The following SOX9 variants were observed in gnomAD, a reference collection of about 807,000 sequenced individuals.
The protein encoded by SOX9 is transcription factor SOX-9.
Under a neutral mutation model 44.8 loss-of-function variants are expected in SOX9, and 2 were observed. That is an observed-to-expected ratio of 0.04 (90% CI 0.02 to 0.14). The LOEUF is 0.14. Ranked by LOEUF, SOX9 falls within the 10% of genes least tolerant of loss-of-function variation. The pLI, the probability that SOX9 is intolerant of heterozygous loss-of-function variation, is 1.00. For missense variants in SOX9, 583 were observed against 728.6 expected (o/e 0.80, Z 2.30); for synonymous variants, 381 against 331.8 (o/e 1.15, Z -1.61).
rs557099896 is a variant in SOX9, at chr17:72,121,387, C to T, written c.-5C>T. 3.1e-6 allele frequency: 5 copies of T among 1,611,950 alleles called. No individual in the cohort carries two copies. The African/African-American group carries it at 5.3e-5, about 17-fold the overall frequency. On this transcript the variant is annotated 5_prime_UTR_variant, in exon 1 of 3. Coordinates refer to ENST00000245479, the MANE Select transcript of SOX9 (RefSeq NM_000346.4). The surrounding 1 kb of genome is among the most constrained non-coding windows in gnomAD (Gnocchi z 8.3). The stretch of plus-strand genomic sequence containing the variant: ...GGCCACCAGCCCCCTGCCCCGGGCC[C>T]GCGTATGAATCTCCTGGACCCCTTC...
rs772345173 is a variant in SOX9 at position 72,122,926 on chromosome 17, C to G, written c.639C>G (p.His213Gln). ...IFKALQADSP[H>Q]SSSGMSEVHS... ...AGGCGCTGCAGGCCGACTCGCCACACTCCTCCTCCGGCATGAGCGAGGTGC... is the reference window on the plus strand; with the variant it reads ...AGGCGCTGCAGGCCGACTCGCCACAGTCCTCCTCCGGCATGAGCGAGGTGC... Residue 213 changes from histidine (H) to glutamine (Q), a missense_variant, in exon 2 of 3, where the codon CAC (histidine) becomes CAG (glutamine). Physicochemically the swap from His to Gln is conservative, Grantham distance 24 (BLOSUM62 0). Around this residue, in one of 7 missense-constraint regions of SOX9, gnomAD observed 88 missense variants for 65.5 expected, o/e 1.34. Coordinates refer to ENST00000245479, the MANE Select transcript of SOX9 (RefSeq NM_000346.4). 3.1e-6 allele frequency: 5 copies of G among 1,613,982 alleles called. No individual in the cohort carries two copies. The Admixed American group carries it at 6.7e-5, about 22-fold the overall frequency.
chr17:72,126,200 TA>T lies in SOX9; in HGVS notation c.*1818del, dbSNP rs1269941039. The stretch of plus-strand genomic sequence containing the variant: ...ATTTCTGTATAAAAGCAGATCTTTT[TA>T]AAAAGATACTTCTGTAACTTAAGAA... On this transcript the variant is annotated 3_prime_UTR_variant, in exon 3 of 3. Coordinates refer to ENST00000245479, the MANE Select transcript of SOX9 (RefSeq NM_000346.4). 8.6e-6 allele frequency: 2 copies of T among 232,800 alleles called. No individual in the cohort carries two copies. The highest frequency in any genetic ancestry group is 1.7e-5 in the Non-Finnish European group (2 of 117,658). 14.4% of individuals were successfully genotyped at this position (232,800 alleles called of 1,614,324 possible). A position where few individuals can be genotyped will look rare whatever the true frequency, so the allele number is the denominator to read the frequency against.
In SOX9 at chr17:72,121,396, A is replaced by G; in HGVS notation, c.5A>G (p.Asn2Ser). The G allele has an allele frequency of 1.2e-6, 2 of 1,612,216 alleles. No homozygotes were observed. Among genetic ancestry groups the G allele is most frequent in the Non-Finnish European group, 1.7e-6 (2 of 1,179,702 alleles). Reference sequence around the variant, plus strand: ...CCCCCTGCCCCGGGCCCGCGTATGAATCTCCTGGACCCCTTCATGAAGATG... The same window carrying G: ...CCCCCTGCCCCGGGCCCGCGTATGAGTCTCCTGGACCCCTTCATGAAGATG... M[N>S]LLDPFMKMTD... is the part of the protein sequence containing the mutation. Residue 2 changes from asparagine to serine, a missense_variant, in exon 1 of 3, where the codon AAT (asparagine) becomes AGT (serine). By Grantham distance (46) the Asn-to-Ser change is conservative (BLOSUM62 1). Transcript: ENST00000245479. The surrounding 1 kb of genome is among the most constrained non-coding windows in gnomAD (Gnocchi z 8.3).
Position 72,123,002 on chromosome 17 carries a change from G to A in SOX9, c.685+30G>A, listed in dbSNP as rs1440951970. 1 of 1,608,522 alleles carries A rather than the reference G, an allele frequency of 6.2e-7. No individual in the cohort carries two copies. The highest frequency in any genetic ancestry group is 8.5e-7 in the Non-Finnish European group (1 of 1,179,604). On this transcript the variant is annotated intron_variant, in intron 2 of 2. Coordinates refer to ENST00000245479, the MANE Select transcript of SOX9 (RefSeq NM_000346.4). This position sits in a 1 kb window ranked among gnomAD's most constrained non-coding sequence, Gnocchi z 6.5. ...GTCGCCCCTCGACCCCACCGGACAA[G>A]CTATCTCCGTCCCGCCTGGCACACC... is the stretch of plus-strand genomic sequence containing the variant.
rs1040106193 is a variant in SOX9, at chr17:72,123,553, G to A, written c.696G>A (p.Gln232=). The A allele has an allele frequency of 6.2e-7, 1 of 1,614,148 alleles. No individual in the cohort carries two copies. The highest frequency in any genetic ancestry group is 8.5e-7 in the Non-Finnish European group (1 of 1,180,018). Residue 232 remains glutamine, a synonymous_variant, in exon 3 of 3, where the codon CAG becomes CAA. Transcript: ENST00000245479. This position sits in a 1 kb window ranked among gnomAD's most constrained non-coding sequence, Gnocchi z 6.5. ...HSPGEHSGQS[Q]GPPTPPTTPK... ...TTTTATTGTCCACAGGGCAATCCCAGGGCCCACCGACCCCACCCACCACCC... is the reference window on the plus strand; with the variant it reads ...TTTTATTGTCCACAGGGCAATCCCAAGGCCCACCGACCCCACCCACCACCC...
chr17:72,122,635 C>G, intron 1 of SOX9, 84 bp from the exon 2 acceptor site: 1 of 1,425,542 alleles, frequency 7.0e-7, no homozygotes, highest in East Asian at 2.5e-5. Flanking sequence ...GTCGCCGCCT[C>G]CTCCCCGCCG....
chr17:72,125,522 A>G lies in SOX9; in HGVS notation c.*1135A>G, dbSNP rs1361481293. On this transcript the variant is annotated 3_prime_UTR_variant, in exon 3 of 3. Transcript: ENST00000245479. ...ACTTGCTAAAATTATTTATTTTGTAAGGAGAGGTTTTAATTAAAACAAAAA... is the reference window on the plus strand; with the variant it reads ...ACTTGCTAAAATTATTTATTTTGTAGGGAGAGGTTTTAATTAAAACAAAAA... The G allele has an allele frequency of 4.4e-6, 1 of 227,930 alleles. No individual in the cohort carries two copies. The highest frequency in any genetic ancestry group is 6.3e-5 in the East Asian group (1 of 15,898). 14.1% of individuals were successfully genotyped at this position (227,930 alleles called of 1,614,324 possible).
rs1228448275 is a variant in SOX9 at position 72,121,316 on chromosome 17, G to T, written c.-76G>T. ...CATCCGGGCAGCCGAGGGGAGAGGA[G>T]CCCGCGCCTCGAGTCCCCGAGCCGC... On this transcript the variant is annotated 5_prime_UTR_variant, in exon 1 of 3. Transcript: ENST00000245479. This position sits in a 1 kb window ranked among gnomAD's most constrained non-coding sequence, Gnocchi z 8.3. 1 of 1,360,888 alleles carries T rather than the reference G, an allele frequency of 7.3e-7. No individual in the cohort carries two copies. Among genetic ancestry groups the T allele is most frequent in the Non-Finnish European group, 1.0e-6 (1 of 961,700 alleles). The allele number at this position is 1,360,888 out of a possible 1,614,324, so 84.3% of individuals were successfully genotyped here. A position where few individuals can be genotyped will look rare whatever the true frequency, so the allele number is the denominator to read the frequency against.
In SOX9 at chr17:72,124,592, T is replaced by A; in HGVS notation, c.*205T>A. ...ATTTCCAAGACACAAACATGACCTATCCAAGCGCATTACCCACTTGTGGCC... is the reference window on the plus strand; with the variant it reads ...ATTTCCAAGACACAAACATGACCTAACCAAGCGCATTACCCACTTGTGGCC... On this transcript the variant is annotated 3_prime_UTR_variant, in exon 3 of 3. Transcript: ENST00000245479. This position sits in a 1 kb window ranked among gnomAD's most constrained non-coding sequence, Gnocchi z 4.6. 1.5e-6 allele frequency: 1 copy of A among 674,424 alleles called. No individual in the cohort carries two copies. Among genetic ancestry groups the A allele is most frequent in the South Asian group, 1.8e-5 (1 of 55,680 alleles). The allele number at this position is 674,424 out of a possible 1,614,324, so 41.8% of individuals were successfully genotyped here.
rs1194444347 is a variant in SOX9, at chr17:72,124,008, C to G, written c.1151C>G (p.Thr384Arg). The change falls in exon 3 of 3, where the codon ACG becomes AGG. Residue 384 changes from threonine to arginine, a missense_variant. This residue lies in a region of SOX9 where 349 missense variants were observed against 387.0 expected (regional missense o/e 0.90). Coordinates refer to ENST00000245479, the MANE Select transcript of SOX9 (RefSeq NM_000346.4). This position sits in a 1 kb window ranked among gnomAD's most constrained non-coding sequence, Gnocchi z 4.6. ...CAGCCACAGGCGCACACGCTGACCA[C>G]GCTGAGCAGCGAGCCGGGCCAGTCC... ...PQQPQAHTLT[T>R]LSSEPGQSQR... The G allele has an allele frequency of 6.9e-6, 11 of 1,605,028 alleles. No homozygotes were observed. Among genetic ancestry groups the G allele is most frequent in the Non-Finnish European group, 9.4e-6 (11 of 1,176,180 alleles).
In SOX9 at chr17:72,121,602, G is replaced by C. The variant is rs2143238492; in HGVS notation, c.211G>C (p.Val71Leu). Reference protein sequence around the residue: ...KKESEEDKFPVCIREAVSQVL... With the variant: ...KKESEEDKFPLCIREAVSQVL... Reference sequence around the variant, plus strand: ...GGAGAGCGAGGAGGACAAGTTCCCCGTGTGCATCCGCGAGGCGGTCAGCCA... The same window carrying C: ...GGAGAGCGAGGAGGACAAGTTCCCCCTGTGCATCCGCGAGGCGGTCAGCCA... The change falls in exon 1 of 3, where the codon GTG becomes CTG. Residue 71 changes from valine to leucine, a missense_variant. Transcript: ENST00000245479. This position sits in a 1 kb window ranked among gnomAD's most constrained non-coding sequence, Gnocchi z 8.3. 1 of 1,604,836 alleles carries C rather than the reference G, an allele frequency of 6.2e-7. No homozygotes were observed. Among genetic ancestry groups the C allele is most frequent in the South Asian group, 1.1e-5 (1 of 89,532 alleles).
rs147753223 is a variant in SOX9 at position 72,124,631 on chromosome 17, G to C, written c.*244G>C. 278 of 591,306 alleles carry C rather than the reference G, an allele frequency of 4.7e-4. No homozygotes were observed. The highest frequency in any genetic ancestry group is 4.6e-3 in the African/African-American group (250 of 53,956). 36.6% of individuals were successfully genotyped at this position (591,306 alleles called of 1,614,324 possible). A position where few individuals can be genotyped will look rare whatever the true frequency, so the allele number is the denominator to read the frequency against. On this transcript the variant is annotated 3_prime_UTR_variant, in exon 3 of 3. Coordinates refer to ENST00000245479, the MANE Select transcript of SOX9 (RefSeq NM_000346.4). The surrounding 1 kb of genome is among the most constrained non-coding windows in gnomAD (Gnocchi z 4.6). ...CCACTTGTGGCCAATCAGTGGCCAG[G>C]CCAACCTTGGCTAAATGGAGCAGCG...
Position 72,124,032 on chromosome 17 carries a change from C to T in SOX9, c.1175C>T (p.Ser392Phe), listed in dbSNP as rs1908203827. The change falls in exon 3 of 3, where the codon TCC (serine) becomes TTC (phenylalanine). Residue 392 changes from serine (S) to phenylalanine (F), a missense_variant. Coordinates refer to ENST00000245479, the MANE Select transcript of SOX9 (RefSeq NM_000346.4). The surrounding 1 kb of genome is among the most constrained non-coding windows in gnomAD (Gnocchi z 4.6). ...ACGCTGAGCAGCGAGCCGGGCCAGT[C>T]CCAGCGAACGCACATCAAGACGGAG... ...LTTLSSEPGQ[S>F]QRTHIKTEQL... is the part of the protein sequence containing the mutation. The T allele has an allele frequency of 6.2e-7, 1 of 1,610,018 alleles. No homozygotes were observed. The highest frequency in any genetic ancestry group is 1.3e-5 in the African/African-American group (1 of 74,878).
rs1215871945 is a variant in SOX9 at position 72,124,306 on chromosome 17, C to G, written c.1449C>G (p.Thr483=). 1 of 1,607,442 alleles carries G rather than the reference C, an allele frequency of 6.2e-7. No homozygotes were observed. The highest frequency in any genetic ancestry group is 8.5e-7 in the Non-Finnish European group (1 of 1,179,980). ...CCATGTACACCCCCATCGCCGACAC[C>G]TCTGGGGTCCCTTCCATCCCGCAGA... The part of the protein sequence containing the change: ...QRPMYTPIAD[T]SGVPSIPQTH... The change falls in exon 3 of 3, where the codon ACC becomes ACG. Residue 483 remains threonine (T), a synonymous_variant. Transcript: ENST00000245479. This position sits in a 1 kb window ranked among gnomAD's most constrained non-coding sequence, Gnocchi z 4.6.
At position 72,121,072 on chromosome 17, in the gene SOX9, A is replaced by G; in HGVS notation, c.-320A>G. On this transcript the variant is annotated 5_prime_UTR_variant, in exon 1 of 3. Coordinates refer to ENST00000245479, the MANE Select transcript of SOX9 (RefSeq NM_000346.4). The surrounding 1 kb of genome is among the most constrained non-coding windows in gnomAD (Gnocchi z 8.3). Reference sequence around the variant, plus strand: ...GACTGGAAACTTCAGTGGCGCGGAGACTCGCCAGTTTCAACCCCGGAAACT... The same window carrying G: ...GACTGGAAACTTCAGTGGCGCGGAGGCTCGCCAGTTTCAACCCCGGAAACT... 5.5e-6 allele frequency: 3 copies of G among 542,052 alleles called. No homozygotes were observed. The highest frequency in any genetic ancestry group is 3.2e-6 in the Non-Finnish European group (1 of 311,360). 33.6% of individuals were successfully genotyped at this position (542,052 alleles called of 1,614,324 possible). A position where few individuals can be genotyped will look rare whatever the true frequency, so the allele number is the denominator to read the frequency against.
chr17:72,123,853 C>T lies in SOX9; in HGVS notation c.996C>T (p.Gly332=), dbSNP rs2143253123. 6.3e-7 allele frequency: 1 copy of T among 1,588,446 alleles called. No individual in the cohort carries two copies. Among genetic ancestry groups the T allele is most frequent in the South Asian group, 1.1e-5 (1 of 89,484 alleles). Residue 332 remains glycine, a synonymous_variant, in exon 3 of 3, where the codon GGC becomes GGT. Coordinates refer to ENST00000245479, the MANE Select transcript of SOX9 (RefSeq NM_000346.4). This position sits in a 1 kb window ranked among gnomAD's most constrained non-coding sequence, Gnocchi z 6.5. ...SSTAATPASA[G]HVWMSKQQAP... is the part of the protein sequence containing the mutation. ...CCGCGGCCACCCCGGCGAGCGCGGG[C>T]CACGTGTGGATGTCCAAGCAGCAGG... is the stretch of plus-strand genomic sequence containing the variant.
chr17:72,122,430 G>A (rs991920725), intron 1 of SOX9, among the ~76,000 whole-genome samples: 3 of 132,350 alleles, frequency 2.3e-5, no homozygotes, highest in African/African-American at 5.6e-5. Context: ...TTAGGGGGCA[G>A]CACCGGGAGT....
rs374408940 is a variant in SOX9, at chr17:72,121,377, G to A, written c.-15G>A. The A allele has an allele frequency of 2.5e-6, 4 of 1,611,232 alleles. No individual in the cohort carries two copies. The African/African-American group carries it at 4.0e-5, about 16-fold the overall frequency. On this transcript the variant is annotated 5_prime_UTR_variant, in exon 1 of 3. Transcript: ENST00000245479. The surrounding 1 kb of genome is among the most constrained non-coding windows in gnomAD (Gnocchi z 8.3). ...CGCCTTTCCCGGCCACCAGCCCCCT[G>A]CCCCGGGCCCGCGTATGAATCTCCT...
In SOX9 at chr17:72,123,787, C is replaced by A. The variant is rs138423956; in HGVS notation, c.930C>A (p.His310Gln). 4.3e-6 allele frequency: 7 copies of A among 1,612,978 alleles called. No homozygotes were observed. Among genetic ancestry groups the A allele is most frequent in the Non-Finnish European group, 5.1e-6 (6 of 1,179,854 alleles). The change falls in exon 3 of 3, where the codon CAC becomes CAA. Residue 310 changes from histidine to glutamine, a missense_variant. This residue lies in a region of SOX9 where 349 missense variants were observed against 387.0 expected (regional missense o/e 0.90). Transcript: ENST00000245479. The surrounding 1 kb of genome is among the most constrained non-coding windows in gnomAD (Gnocchi z 6.5). ...PNGHPGVPAT[H>Q]GQVTYTGSYG... is the part of the protein sequence containing the mutation. ...GCCACCCGGGGGTGCCGGCCACGCA[C>A]GGCCAGGTCACCTACACGGGCAGCT...
Sources: allele counts gnomAD v4.1 joint callset (sites outside exome capture counted in the v4.1 genomes callset), GRCh38; gene constraint gnomAD v4.1.1; regional missense constraint gnomAD v4.1.1; non-coding constraint Gnocchi (gnomAD v3.1); transcripts MANE v1.5; gene names NCBI Gene and HGNC (gene_info 2026-07-23, HGNC 2026-07-21).